UGT1A4: variants seen among roughly 807,000 people sequenced by gnomAD.
UGT1A4 encodes UDP-glucuronosyltransferase 1A4.
A neutral mutation model predicts 41.1 loss-of-function variants in UGT1A4; 32 were observed. The ratio of observed to expected loss-of-function variants is 0.78; its 90% CI spans 0.59 to 1.05. The LOEUF is 1.05. UGT1A4 is among the 50% of genes least tolerant of loss of function. UGT1A4 has a pLI of 0.00. For missense variants in UGT1A4, 748 were observed against 677.4 expected (o/e 1.10, Z -1.16); for synonymous variants, 283 against 265.1 (o/e 1.07, Z -0.66).
intron 1 of UGT1A4, among the ~76,000 whole-genome samples, chr2:233,737,121 G>T (rs11684169): frequency 0.034 from 5,131 of 152,320 alleles, 100 homozygotes; most frequent in African/African-American, 0.051. Context: ...ATGTTCAGAA[G>T]TTGTCTGCTG....
At chr2:233,747,557 A>G (rs1485247055) in intron 1 of UGT1A4, 14 of 1,596,092 alleles carry the variant, frequency 8.8e-6, no homozygotes, top group Non-Finnish European at 8.6e-6. Flanking sequence ...AAAGTATGGC[A>G]ATTTTGAAAA....
At chr2:233,747,948 G>T in intron 1 of UGT1A4, 1 of 1,613,450 alleles carries the variant, frequency 6.2e-7, no homozygotes, top group South Asian at 1.1e-5. Flanking sequence ...GGTGTCAGTG[G>T]TGGATCTTCT....
chr2:233,742,128 C>T (rs1691880797), intron 1 of UGT1A4, among the ~76,000 whole-genome samples: 1 of 151,756 alleles, frequency 6.6e-6, no homozygotes, highest in Admixed American at 6.5e-5. Flanking sequence ...TCGTGGAGAC[C>T]CTAACCCAGC....
chr2:233,719,821 T>G (rs2076806401), intron 1 of UGT1A4, 134 bp downstream of exon 1: 5 of 1,570,050 alleles, frequency 3.2e-6, no homozygotes, highest in Middle Eastern at 4.6e-4. Flanking sequence ...ACAGATAAAC[T>G]GTTGAGGGGC....
chr2:233,755,319 C>T (rs776967353), intron 1 of UGT1A4: 53 of 507,946 alleles, frequency 1.0e-4, no homozygotes, highest in Non-Finnish European at 1.5e-4. Context: ...AGCGGCAAGG[C>T]TGCCAGCACC....
Position 233,719,565 on chromosome 2 carries a change from G to C in UGT1A4, c.745G>C (p.Val249Leu), listed in dbSNP as rs1369586319. The C allele has an allele frequency of 1.5e-5, 24 of 1,613,790 alleles. No individual in the cohort carries two copies. The highest frequency in any genetic ancestry group is 1.9e-5 in the Non-Finnish European group (23 of 1,179,874). ...FQREVSVVDL[V>L]SYASVWLFRG... ...GAGAGAGGTGTCAGTGGTGGATCTT[G>C]TCAGCTATGCATCCGTGTGGCTGTT... Residue 249 changes from valine (V) to leucine (L), a missense_variant, in exon 1 of 5, where the codon GTC (valine) becomes CTC (leucine). By Grantham distance (32) the Val-to-Leu change is conservative (BLOSUM62 1). Coordinates refer to ENST00000373409, the MANE Select transcript of UGT1A4 (RefSeq NM_007120.3).
intron 1 of UGT1A4, among the ~76,000 whole-genome samples, chr2:233,764,416 C>T (rs559795881): frequency 6.6e-6 from 1 of 152,154 alleles, no homozygotes; most frequent in South Asian, 2.1e-4. Flanking sequence ...GTTTGCCCTG[C>T]GTGAATCTCC....
chr2:233,772,325 C>T lies in UGT1A4; in HGVS notation c.1371C>T (p.Asp457=), dbSNP rs773957041. ...AGGACCGCCCGGTGGAGCCGCTGGA[C>T]CTGGCCGTGTTCTGGGTGGAGTTTG... is the stretch of plus-strand genomic sequence containing the variant. ...LHKDRPVEPL[D]LAVFWVEFVM... The change falls in exon 5 of 5, where the codon GAC becomes GAT. Residue 457 remains aspartate, a synonymous_variant. Coordinates refer to ENST00000373409, the MANE Select transcript of UGT1A4 (RefSeq NM_007120.3). 3.1e-6 allele frequency: 5 copies of T among 1,614,018 alleles called. No homozygotes were observed. In the African/African-American group the frequency reaches 4.0e-5, roughly 13 times the overall value.
chr2:233,761,154 G>C, intron 1 of UGT1A4: 3 of 1,614,240 alleles, frequency 1.9e-6, no homozygotes, highest in African/African-American at 2.7e-5. Context: ...TATCCCAGGT[G>C]TGTATTGGAG....
chr2:233,759,046 C>G (rs1422861422), intron 1 of UGT1A4, among the ~76,000 whole-genome samples: 1 of 152,268 alleles, frequency 6.6e-6, no homozygotes, highest in South Asian at 2.1e-4. Context: ...CTGTTGTGAA[C>G]AAAAGTTCTC....
intron 1 of UGT1A4, among the ~76,000 whole-genome samples, chr2:233,749,534 G>A (rs1161512462): frequency 6.6e-6 from 1 of 151,852 alleles, no homozygotes; most frequent in Non-Finnish European, 1.5e-5. Flanking sequence ...ATTTTCGAGT[G>A]TGGTAAAGAA....
At chr2:233,760,083 G>C (rs1163366183) in intron 1 of UGT1A4, among the ~76,000 whole-genome samples, 1 of 152,198 alleles carries the variant, frequency 6.6e-6, no homozygotes, top group Non-Finnish European at 1.5e-5. Context: ...ATTCCAGCCA[G>C]TTCAACTGTT....
chr2:233,754,969 T>A, intron 1 of UGT1A4: 6 of 1,302,646 alleles, frequency 4.6e-6, no homozygotes, highest in Non-Finnish European at 6.2e-6. Context: ...AAGAACTCCC[T>A]GAAGACCTCG....
chr2:233,768,189 C>T, intron 3 of UGT1A4, 31 bp from the exon 4 acceptor site: 1 of 1,614,040 alleles, frequency 6.2e-7, no homozygotes. Flanking sequence ...AGAGATGTAA[C>T]TGCTGACATC....
intron 1 of UGT1A4, among the ~76,000 whole-genome samples, chr2:233,757,242 G>C (rs889678436): frequency 2.7e-5 from 4 of 149,670 alleles, no homozygotes; most frequent in African/African-American, 9.9e-5. Flanking sequence ...GTGGTGGTGA[G>C]GTGGGGTTAT....
chr2:233,741,629 C>T (rs1691726139), intron 1 of UGT1A4: 1 of 151,834 alleles, frequency 6.6e-6, no homozygotes, highest in Non-Finnish European at 1.5e-5. Context: ...CCCATGAGCC[C>T]CTGTGGGATG....
chr2:233,737,523 G>A (rs890594707), intron 1 of UGT1A4, among the ~76,000 whole-genome samples: 3 of 152,158 alleles, frequency 2.0e-5, no homozygotes, highest in Non-Finnish European at 4.4e-5. Context: ...TAGGTGAGGC[G>A]ACGCCCTGCC....
intron 1 of UGT1A4, among the ~76,000 whole-genome samples, chr2:233,749,857 C>T (rs2125901015): frequency 6.6e-6 from 1 of 152,096 alleles, no homozygotes; most frequent in Middle Eastern, 3.4e-3. Flanking sequence ...CTCTCTCTCA[C>T]TTTCTGCCAG....
At chr2:233,758,428 C>T (rs1696877541) in intron 1 of UGT1A4, among the ~76,000 whole-genome samples, 2 of 152,212 alleles carry the variant, frequency 1.3e-5, no homozygotes. Context: ...CAAATGAACT[C>T]ACACAGCATT....
Sources: gnomAD v4.1 joint callset for allele counts (sites outside exome capture counted in the v4.1 genomes callset) on GRCh38, gnomAD v4.1.1 for gene constraint, MANE v1.5 for transcripts, NCBI Gene and HGNC (gene_info 2026-07-23, HGNC 2026-07-21) for gene names.